Variants in SCN10A observed in about 807,000 individuals in gnomAD.
SCN10A encodes sodium voltage-gated channel alpha subunit 10.
Under a neutral mutation model 170.7 loss-of-function variants are expected in SCN10A, and 162 were observed. That is an observed-to-expected ratio of 0.95 (90% CI 0.84 to 1.08). The LOEUF (loss-of-function observed/expected upper bound fraction) is 1.08, where lower values mean the gene tolerates loss of function less well. Ranked by LOEUF, SCN10A falls within the 50% of genes least tolerant of loss-of-function variation. The pLI, the probability that SCN10A is intolerant of heterozygous loss-of-function variation, is 0.00. For missense variants in SCN10A, 2,527 were observed against 2,436.9 expected (o/e 1.04, Z -0.78); for synonymous variants, 985 against 904.6 (o/e 1.09, Z -1.59).
intron 5 of SCN10A, among the ~76,000 whole-genome samples, chr3:38,764,312 C>T (rs1324731564): frequency 6.6e-6 from 1 of 152,078 alleles, no homozygotes. Flanking sequence ...TTTGGTGCAC[C>T]ATCACCCGAG....
chr3:38,697,674 T>A lies in SCN10A; in HGVS notation c.5546A>T (p.Lys1849Met). Residue 1849 changes from lysine (K) to methionine (M), a missense_variant, in exon 28 of 28, where the codon AAG becomes ATG. Lys to Met is a moderately conservative substitution (Grantham distance 95). Transcript: ENST00000449082. ...YEPIATTLRW[K>M]QEDISATVIQ... Reference sequence around the variant, plus strand: ...GACAGTGGCTGAAATGTCTTCTTGCTTCCATCGGAGAGTGGTTGCTATTGG... The same window carrying A: ...GACAGTGGCTGAAATGTCTTCTTGCATCCATCGGAGAGTGGTTGCTATTGG... The A allele has an allele frequency of 6.2e-7, 1 of 1,614,206 alleles. No individual in the cohort carries two copies. The highest frequency in any genetic ancestry group is 8.5e-7 in the Non-Finnish European group (1 of 1,180,034).
chr3:38,727,813 C>G (rs1023623354), intron 16 of SCN10A, among the ~76,000 whole-genome samples: 1 of 152,140 alleles, frequency 6.6e-6, no homozygotes, highest in African/African-American at 2.4e-5. Flanking sequence ...CCCACCATGA[C>G]CAGAGTGGGT....
Position 38,712,150 on chromosome 3 carries a change from G to C in SCN10A, c.4089+11C>G. 6.2e-7 allele frequency: 1 copy of C among 1,613,028 alleles called. No individual in the cohort carries two copies. Among genetic ancestry groups the C allele is most frequent in the Non-Finnish European group, 8.5e-7 (1 of 1,179,120 alleles). ...AAGCAAGAGATATGGTTGATCTCAT[G>C]GTTGACTCACCACCTGCAGAAGTGC... On this transcript the variant is annotated intron_variant, in intron 23 of 27. Coordinates refer to ENST00000449082, the MANE Select transcript of SCN10A (RefSeq NM_006514.4).
At chr3:38,771,452 G>A (rs779085566) in intron 4 of SCN10A, 45 bp from the exon 5 acceptor site, 2 of 1,602,498 alleles carry the variant, frequency 1.2e-6, no homozygotes, top group Non-Finnish European at 1.7e-6. Context: ...GCCATGGAGT[G>A]TACTCAGGGG....
At chr3:38,752,756 T>C (rs987989781) in intron 11 of SCN10A, among the ~76,000 whole-genome samples, 3 of 152,338 alleles carry the variant, frequency 2.0e-5, no homozygotes, top group South Asian at 2.1e-4. Flanking sequence ...GTGCTGATGC[T>C]CAGCAAATAG....
rs1300196583 is a variant in SCN10A at position 38,728,388 on chromosome 3, T to C, written c.2640+154A>G. ...ACTGCCTCCCAAGGCACACTTCTTG[T>C]AATGAATCCCACATGAATTTGAAAA... On this transcript the variant is annotated intron_variant, in intron 16 of 27. Coordinates refer to ENST00000449082, the MANE Select transcript of SCN10A (RefSeq NM_006514.4). Among the ~76,000 whole-genome samples the C allele has an allele frequency of 2.6e-5, 4 of 152,198 alleles. No individual in the cohort carries two copies. In the South Asian group the frequency reaches 8.3e-4, roughly 32 times the overall value.
intron 1 of SCN10A, among the ~76,000 whole-genome samples, chr3:38,802,800 G>A (rs558334310): frequency 3.3e-5 from 5 of 152,156 alleles, no homozygotes; most frequent in African/African-American, 1.2e-4. Flanking sequence ...TTGACAAATG[G>A]GATCTAATTA....
At chr3:38,735,710 A>G (rs2063553629) in intron 15 of SCN10A, among the ~76,000 whole-genome samples, 1 of 152,244 alleles carries the variant, frequency 6.6e-6, no homozygotes, top group Non-Finnish European at 1.5e-5. Flanking sequence ...GCCAGGATAG[A>G]CCAATGGACT....
intron 4 of SCN10A, among the ~76,000 whole-genome samples, chr3:38,783,557 T>C (rs549145751): frequency 2.2e-3 from 342 of 152,194 alleles, no homozygotes; most frequent in Non-Finnish European, 3.7e-3. Flanking sequence ...TTTATTGCTG[T>C]AAGTTTTCTC....
chr3:38,709,499 G>A lies in SCN10A; in HGVS notation c.4260C>T (p.Asn1420=). 2 of 1,609,226 alleles carry A rather than the reference G, an allele frequency of 1.2e-6. No individual in the cohort carries two copies. The highest frequency in any genetic ancestry group is 1.7e-6 in the Non-Finnish European group (2 of 1,178,508). The part of the protein sequence containing the change: ...LNLFVGVIID[N]FNQQKKKLGG... ...TTATCTTTTTTTTCTGTTGATTGAA[G>A]TTGTCAATTATGACCCCAACAAAGA... The change falls in exon 25 of 28, where the codon AAC becomes AAT. Residue 1420 remains asparagine, a synonymous_variant. Coordinates refer to ENST00000449082, the MANE Select transcript of SCN10A (RefSeq NM_006514.4).
At chr3:38,728,986 G>A in intron 15 of SCN10A, 85 bp from the exon 16 acceptor site, 2 of 1,509,888 alleles carry the variant, frequency 1.3e-6, no homozygotes, top group Admixed American at 2.2e-5. Flanking sequence ...CAAAGATCTG[G>A]GAAAAACACA....
intron 1 of SCN10A, among the ~76,000 whole-genome samples, chr3:38,811,804 C>T (rs1322551449): frequency 6.6e-6 from 1 of 152,160 alleles, no homozygotes; most frequent in Non-Finnish European, 1.5e-5. Context: ...CTATCAATTT[C>T]CCCAGGATTC....
At chr3:38,705,425 C>T (rs1225939760) in intron 26 of SCN10A, among the ~76,000 whole-genome samples, 1 of 152,128 alleles carries the variant, frequency 6.6e-6, no homozygotes, top group Non-Finnish European at 1.5e-5. Context: ...CTGTGCCATC[C>T]TCGGAGGATC....
Position 38,701,918 on chromosome 3 carries a change from C to T in SCN10A, c.4578G>A (p.Lys1526=), listed in dbSNP as rs769157145. ...AGTAGTACTGCCTCAAAGCGAACAT[C>T]TTCATGACACATTCGCCTGTGAAGA... The part of the protein sequence containing the change: ...VAVFTGECVM[K]MFALRQYYFT... The change falls in exon 27 of 28, where the codon AAG becomes AAA. Residue 1526 remains lysine (K), a synonymous_variant. Transcript: ENST00000449082. The T allele has an allele frequency of 6.2e-7, 1 of 1,614,206 alleles. No homozygotes were observed. The highest frequency in any genetic ancestry group is 1.1e-5 in the South Asian group (1 of 91,078).
chr3:38,712,078 C>A, intron 23 of SCN10A, 83 bp downstream of exon 23: 1 of 1,392,776 alleles, frequency 7.2e-7, no homozygotes. Context: ...AAAGTCCCCA[C>A]ATAGCATCTT....
chr3:38,797,417 C>T (rs1033695109), intron 1 of SCN10A, among the ~76,000 whole-genome samples: 1 of 152,150 alleles, frequency 6.6e-6, no homozygotes. Context: ...TTTCCCTCAC[C>T]CTCTTCCTCT....
At chr3:38,724,194 G>C (rs561168246) in intron 18 of SCN10A, among the ~76,000 whole-genome samples, 1 of 151,544 alleles carries the variant, frequency 6.6e-6, no homozygotes, top group East Asian at 2.0e-4. Context: ...CCCAAATCCC[G>C]TCCCAGCCCT....
At chr3:38,803,799 A>T (rs1013722692) in intron 1 of SCN10A, among the ~76,000 whole-genome samples, 11 of 152,056 alleles carry the variant, frequency 7.2e-5, no homozygotes, top group Admixed American at 3.3e-4. Flanking sequence ...AAAGTATATA[A>T]AAAAAACAAA....
At chr3:38,775,332 A>G (rs1327849822) in intron 4 of SCN10A, among the ~76,000 whole-genome samples, 1 of 152,188 alleles carries the variant, frequency 6.6e-6, no homozygotes, top group East Asian at 1.9e-4. Context: ...GAATCATGCA[A>G]CATTTGTTCT....
Sources: allele counts gnomAD v4.1 joint callset (sites outside exome capture counted in the v4.1 genomes callset), GRCh38; gene constraint gnomAD v4.1.1; transcripts MANE v1.5; gene names NCBI Gene and HGNC (gene_info 2026-07-23, HGNC 2026-07-21).